CUL1: variants seen among roughly 807,000 people sequenced by gnomAD.
The protein encoded by CUL1 is cullin-1.
In CUL1, 24 loss-of-function variants were observed where a neutral mutation model predicts 118.0. The ratio of observed to expected loss-of-function variants is 0.20; its 90% CI spans 0.15 to 0.29. CUL1 has a LOEUF of 0.29. Ranked by LOEUF, CUL1 falls within the 10% of genes least tolerant of loss-of-function variation. The probability of loss-of-function intolerance (pLI) is 1.00; values close to 1 mark genes in which losing one functional copy is unlikely to be tolerated. For synonymous variants in CUL1, 332 were observed against 340.4 expected (o/e 0.98, Z 0.27); for missense variants, 361 against 933.8 (o/e 0.39, Z 7.99).
intron 3 of CUL1, 24 bp downstream of exon 3, chr7:148,754,174 G>A: frequency 2.8e-6 from 4 of 1,423,608 alleles, no homozygotes; most frequent in Non-Finnish European, 3.9e-6. Flanking sequence ...TATATATACT[G>A]AGTATTCATA....
At chr7:148,755,185 T>C (rs1051762598) in intron 3 of CUL1, among the ~76,000 whole-genome samples, 2 of 152,214 alleles carry the variant, frequency 1.3e-5, no homozygotes, top group African/African-American at 2.4e-5. Context: ...TGGAGTCTTT[T>C]CCCCTTCATC....
chr7:148,706,065 G>A (rs1797870927), intron 1 of CUL1, among the ~76,000 whole-genome samples: 1 of 152,128 alleles, frequency 6.6e-6, no homozygotes, highest in Non-Finnish European at 1.5e-5. Context: ...TCAACATGCA[G>A]GTGCACAACA....
At position 148,776,292 on chromosome 7, in the gene CUL1, TC is replaced by T. The variant is rs1563166085; in HGVS notation, c.1084-7490del. On this transcript the variant is annotated intron_variant, in intron 9 of 21. Coordinates refer to ENST00000325222, the MANE Select transcript of CUL1 (RefSeq NM_003592.3). Reference sequence around the variant, plus strand: ...AATGTACACATTTGTCATTTTGGAGTCTAACATAACCAGGCTTTTTTTTTTT... The same window carrying T: ...AATGTACACATTTGTCATTTTGGAGTTAACATAACCAGGCTTTTTTTTTTT... 3.6e-4 allele frequency among the ~76,000 whole-genome samples: 49 copies of T among 136,300 alleles called. 2 individuals are homozygous for T. Among genetic ancestry groups the T allele is most frequent in the African/African-American group, 1.3e-3 (48 of 35,564 alleles). 89.4% of individuals were successfully genotyped at this position (136,300 alleles called of 152,430 possible).
chr7:148,701,732 G>A (rs1797725960), intron 1 of CUL1, among the ~76,000 whole-genome samples: 1 of 152,200 alleles, frequency 6.6e-6, no homozygotes, highest in South Asian at 2.1e-4. Flanking sequence ...ACCCAGTGGT[G>A]TCTGTCTTTC....
chr7:148,767,201 A>G (rs768334706), intron 8 of CUL1, among the ~76,000 whole-genome samples: 4 of 152,238 alleles, frequency 2.6e-5, no homozygotes, highest in Non-Finnish European at 4.4e-5. Context: ...TAATTGAGAT[A>G]GAAATCCATA....
intron 9 of CUL1, among the ~76,000 whole-genome samples, chr7:148,780,804 AT>A (rs1229504578): frequency 1.3e-5 from 2 of 152,176 alleles, no homozygotes; most frequent in Non-Finnish European, 2.9e-5. Context: ...TTACTACTTT[AT>A]TTTTTTAAAC....
rs1318140127 is a variant in CUL1, at chr7:148,730,230, C to T, written c.108C>T (p.Ser36=). ...TCCAGCAGGTGTACACACGGCAGAGCATGGCCAAGTCCAGATATATGGAGC... is the reference window on the plus strand; with the variant it reads ...TCCAGCAGGTGTACACACGGCAGAGTATGGCCAAGTCCAGATATATGGAGC... The part of the protein sequence containing the change: ...AGIQQVYTRQ[S]MAKSRYMELY... The change falls in exon 2 of 22, where the codon AGC becomes AGT. Residue 36 remains serine, a synonymous_variant. Transcript: ENST00000325222. 1.2e-6 allele frequency: 2 copies of T among 1,601,186 alleles called. No individual in the cohort carries two copies. The highest frequency in any genetic ancestry group is 1.7e-6 in the Non-Finnish European group (2 of 1,174,038).
chr7:148,769,495 A>G (rs2129461112), intron 9 of CUL1, among the ~76,000 whole-genome samples: 1 of 151,644 alleles, frequency 6.6e-6, no homozygotes, highest in African/African-American at 2.4e-5. Flanking sequence ...TTCGGTGAAG[A>G]CATTTTTTCA....
intron 1 of CUL1, among the ~76,000 whole-genome samples, chr7:148,716,898 C>T (rs974244277): frequency 6.6e-5 from 10 of 152,182 alleles, no homozygotes; most frequent in African/African-American, 2.4e-4. Context: ...GCTTTGGCTG[C>T]ACATTTTGGG....
intron 9 of CUL1, 37 bp downstream of exon 9, chr7:148,767,786 T>C (rs1800055161): frequency 6.2e-7 from 1 of 1,604,138 alleles, no homozygotes; most frequent in East Asian, 2.2e-5. Context: ...TCAGGCTGAT[T>C]ATTTCCACAT....
At chr7:148,791,894 A>T (rs927705802) in intron 16 of CUL1, among the ~76,000 whole-genome samples, 1 of 152,252 alleles carries the variant, frequency 6.6e-6, no homozygotes, top group Non-Finnish European at 1.5e-5. Flanking sequence ...CCTGTCTTTT[A>T]GAAGATACTT....
chr7:148,732,631 G>A (rs1229028649), intron 2 of CUL1, among the ~76,000 whole-genome samples: 2 of 151,872 alleles, frequency 1.3e-5, no homozygotes, highest in African/African-American at 2.4e-5. Context: ...GAGCCACCAC[G>A]TCCAGCCTTG....
intron 20 of CUL1, among the ~76,000 whole-genome samples, 180 bp downstream of exon 20, chr7:148,798,857 T>C (rs1030367737): frequency 1.3e-5 from 2 of 152,168 alleles, no homozygotes; most frequent in Non-Finnish European, 2.9e-5. Context: ...TAGTCCTTTA[T>C]GTCACCAGGC....
intron 2 of CUL1, among the ~76,000 whole-genome samples, chr7:148,735,239 G>T (rs1385221093): frequency 6.6e-6 from 1 of 152,198 alleles, no homozygotes; most frequent in African/African-American, 2.4e-5. Flanking sequence ...TGGGGGTCGG[G>T]GCACTTTTTC....
intron 7 of CUL1, among the ~76,000 whole-genome samples, chr7:148,764,301 A>G (rs890072824): frequency 2.0e-5 from 3 of 152,190 alleles, no homozygotes; most frequent in African/African-American, 7.2e-5. Flanking sequence ...TCAGGAGCCT[A>G]TTTGACTTGG....
intron 2 of CUL1, among the ~76,000 whole-genome samples, chr7:148,749,215 G>C (rs1294826636): frequency 6.6e-6 from 1 of 151,910 alleles, no homozygotes; most frequent in South Asian, 2.1e-4. Flanking sequence ...TCAGGAGTTC[G>C]AGACCAGCCT....
intron 1 of CUL1, among the ~76,000 whole-genome samples, chr7:148,709,329 T>G (rs982357586): frequency 6.6e-6 from 1 of 152,194 alleles, no homozygotes; most frequent in Non-Finnish European, 1.5e-5. Context: ...TTTATTCCAT[T>G]GTATTTATAT....
chr7:148,734,964 T>A (rs980964605), intron 2 of CUL1, among the ~76,000 whole-genome samples: 7 of 152,222 alleles, frequency 4.6e-5, no homozygotes, highest in Non-Finnish European at 1.0e-4. Context: ...GACGTTTCTA[T>A]TTGTCTTCCT....
intron 1 of CUL1, among the ~76,000 whole-genome samples, chr7:148,729,029 AC>A (rs1393917836): frequency 6.6e-6 from 1 of 152,190 alleles, no homozygotes; most frequent in Non-Finnish European, 1.5e-5. Context: ...TAAAACCTTT[AC>A]GTTTTGATGT....
Sources: gnomAD v4.1 joint callset for allele counts (sites outside exome capture counted in the v4.1 genomes callset) on GRCh38, gnomAD v4.1.1 for gene constraint, MANE v1.5 for transcripts, NCBI Gene and HGNC (gene_info 2026-07-23, HGNC 2026-07-21) for gene names.